Variants in MAP2K7 observed in about 807,000 individuals in gnomAD.
MAP2K7 encodes dual specificity mitogen-activated protein kinase kinase 7.
In MAP2K7, 12 loss-of-function variants were observed where a neutral mutation model predicts 47.7. The ratio of observed to expected loss-of-function variants is 0.25; its 90% CI spans 0.16 to 0.41. MAP2K7 has a LOEUF of 0.41. Among genes scored for constraint, MAP2K7 ranks in the 10% least tolerant of loss-of-function variants. The pLI is 1.00. For synonymous variants in MAP2K7, 299 were observed against 243.0 expected, an observed-to-expected ratio of 1.23 and a Z score of -2.14; for missense variants, 415 against 600.3, an observed-to-expected ratio of 0.69 and a Z score of 3.23.
At chr19:7,912,128 T>C in intron 9 of MAP2K7, 21 bp from the exon 10 acceptor site, 4 of 1,613,190 alleles carry the variant, frequency 2.5e-6, no homozygotes, top group Non-Finnish European at 3.4e-6. Context: ...CTCACATCTG[T>C]CTTCCCTTCT....
rs1361204034 is a variant in MAP2K7, at chr19:7,910,111, C to T, written c.315C>T (p.Tyr105=). Residue 105 remains tyrosine (Y), a synonymous_variant, in exon 3 of 11, where the codon TAC becomes TAT. Coordinates refer to ENST00000397979, the MANE Select transcript of MAP2K7 (RefSeq NM_145185.4). ...AGGAGATCATGAAGCAGACGGGCTA[C>T]CTGACCATCGGGGGCCAGGTACCAC... ...KLQEIMKQTG[Y]LTIGGQRYQA... 5 of 1,607,166 alleles carry T rather than the reference C, an allele frequency of 3.1e-6. No individual in the cohort carries two copies. Among genetic ancestry groups the T allele is most frequent in the Non-Finnish European group, 4.2e-6 (5 of 1,177,524 alleles).
intron 7 of MAP2K7, 23 bp downstream of exon 7, chr19:7,911,182 G>C: frequency 1.2e-6 from 2 of 1,608,164 alleles, no homozygotes; most frequent in South Asian, 2.2e-5. Flanking sequence ...CCCCCAGCGG[G>C]GGAGGGGGTG....
At position 7,908,269 on chromosome 19, in the gene MAP2K7, C is replaced by A. The variant is rs192576980; in HGVS notation, c.125-1486C>A. On this transcript the variant is annotated intron_variant, in intron 1 of 10. Coordinates refer to ENST00000397979, the MANE Select transcript of MAP2K7 (RefSeq NM_145185.4). The stretch of plus-strand genomic sequence containing the variant: ...GTGAGGCCTCTAGGCCAGTCATGAA[C>A]GCTGGGCCTGGCTGTGTCCCAAGGT... Among the ~76,000 whole-genome samples, 92 of 152,184 alleles carry A rather than the reference C, an allele frequency of 6.0e-4. 1 individual carries two copies. The East Asian group carries it at 0.014, about 23-fold the overall frequency.
intron 1 of MAP2K7, chr19:7,906,687 C>T (rs1982482066): frequency 6.6e-6 from 1 of 152,274 alleles, no homozygotes. Context: ...GAGTTCGAGA[C>T]CAGCCTGGCC....
intron 1 of MAP2K7, among the ~76,000 whole-genome samples, chr19:7,907,879 A>C (rs1247344049): frequency 6.6e-6 from 1 of 152,150 alleles, no homozygotes; most frequent in Non-Finnish European, 1.5e-5. Context: ...TGGGGGGAGC[A>C]CAGGCCCTCG....
Position 7,911,425 on chromosome 19 carries a change from C to T in MAP2K7, c.937-11C>T. ...CATAAACCTGTCCAGCCCTGCCCGT[C>T]TCCCTCCCAGGTGGAGCTGGCAACA... On this transcript the variant is annotated splice_polypyrimidine_tract_variant and intron_variant, in intron 8 of 10. Coordinates refer to ENST00000397979, the MANE Select transcript of MAP2K7 (RefSeq NM_145185.4). 1.2e-6 allele frequency: 2 copies of T among 1,613,292 alleles called. No individual in the cohort carries two copies. The highest frequency in any genetic ancestry group is 3.3e-5 in the Admixed American group (2 of 60,022).
chr19:7,912,620 C>T lies in MAP2K7; in HGVS notation c.*189C>T. ...GCCTACCAAGCCCCCGCCCTTCCCA[C>T]CCCGGGGTCAGCCGGCCGTGTGCGT... is the stretch of plus-strand genomic sequence containing the variant. On this transcript the variant is annotated 3_prime_UTR_variant, in exon 11 of 11. Transcript: ENST00000397979. 1.5e-6 allele frequency: 1 copy of T among 680,218 alleles called. No homozygotes were observed. Among genetic ancestry groups the T allele is most frequent in the Non-Finnish European group, 2.4e-6 (1 of 412,838 alleles). The allele number at this position is 680,218 out of a possible 1,614,324, so 42.1% of individuals were successfully genotyped here. A position where few individuals can be genotyped will look rare whatever the true frequency, so the allele number is the denominator to read the frequency against.
chr19:7,905,675 C>G, intron 1 of MAP2K7: 1 of 773,058 alleles, frequency 1.3e-6, no homozygotes. Flanking sequence ...TCTGTCGGTT[C>G]CTAGCCATCT....
rs1001392655 is a variant in MAP2K7 at position 7,910,684 on chromosome 19, C to G, written c.568-12C>G. 1 of 1,607,286 alleles carries G rather than the reference C, an allele frequency of 6.2e-7. No individual in the cohort carries two copies. The highest frequency in any genetic ancestry group is 1.7e-5 in the Admixed American group (1 of 59,686). On this transcript the variant is annotated splice_polypyrimidine_tract_variant and intron_variant, in intron 5 of 10. Transcript: ENST00000397979. ...GAAGACACAGCTCCCCCGGGTGCCC[C>G]TCTCCCTGCAGACGGACGTCTTCAT... is the stretch of plus-strand genomic sequence containing the variant.
chr19:7,910,622 C>A (rs749069860), intron 5 of MAP2K7, 50 bp downstream of exon 5: 1 of 1,612,002 alleles, frequency 6.2e-7, no homozygotes, highest in Non-Finnish European at 8.5e-7. Context: ...TCACCCCTGC[C>A]CCTTCCTAGG....
intron 1 of MAP2K7, chr19:7,905,775 G>A: frequency 6.4e-7 from 1 of 1,555,602 alleles, no homozygotes; most frequent in Non-Finnish European, 8.9e-7. Flanking sequence ...GATTTATCGT[G>A]GTGTTGTTTT....
chr19:7,904,155 C>T (rs1456009937), intron 1 of MAP2K7, 87 bp downstream of exon 1: 2 of 1,095,086 alleles, frequency 1.8e-6, no homozygotes, highest in Non-Finnish European at 2.3e-6. Context: ...AAGGCCCCGC[C>T]CCCGCTTCCG....
At position 7,910,407 on chromosome 19, in the gene MAP2K7, C is replaced by T. The variant is rs1156707489; in HGVS notation, c.447+34C>T. 1.9e-6 allele frequency: 3 copies of T among 1,603,802 alleles called. No homozygotes were observed. In the South Asian group the frequency reaches 3.3e-5, roughly 18 times the overall value. On this transcript the variant is annotated intron_variant, in intron 4 of 10. Transcript: ENST00000397979. ...TGGCGGCTACCCCGGCTGCGCCCCA[C>T]ACCCCAGGCCGGTGCTGAGGCTCCC...
At chr19:7,904,193 C>A (rs569935737) in intron 1 of MAP2K7, 125 bp downstream of exon 1, 1 of 798,390 alleles carries the variant, frequency 1.3e-6, no homozygotes, top group Non-Finnish European at 1.6e-6. Flanking sequence ...TCCGCCCCCC[C>A]CGCTGCGGGC....
At chr19:7,908,182 G>T (rs569664064) in intron 1 of MAP2K7, among the ~76,000 whole-genome samples, 36 of 150,048 alleles carry the variant, frequency 2.4e-4, no homozygotes, top group African/African-American at 8.5e-4. Context: ...AAAAAAAACA[G>T]TGGGAGGTGA....
Position 7,912,788 on chromosome 19 carries a change from T to A in MAP2K7, c.*357T>A. The stretch of plus-strand genomic sequence containing the variant: ...GCAGCCACCATGCACGCTCCCAGCG[T>A]GCTGTGTCCTTCGCCACTCCCACGC... On this transcript the variant is annotated 3_prime_UTR_variant, in exon 11 of 11. Transcript: ENST00000397979. 1.0e-5 allele frequency: 3 copies of A among 300,286 alleles called. No individual in the cohort carries two copies. Among genetic ancestry groups the A allele is most frequent in the Non-Finnish European group, 1.9e-5 (3 of 157,938 alleles). The allele number at this position is 300,286 out of a possible 1,614,324, so 18.6% of individuals were successfully genotyped here.
At chr19:7,912,274 GC>G in intron 10 of MAP2K7, 22 bp from the exon 11 acceptor site, 1 of 1,613,646 alleles carries the variant, frequency 6.2e-7, no homozygotes, top group African/African-American at 1.3e-5. Context: ...CTCCTCCTAA[GC>G]CCCACCCCCT....
At chr19:7,908,585 AAG>A (rs1982611073) in intron 1 of MAP2K7, among the ~76,000 whole-genome samples, 1 of 152,006 alleles carries the variant, frequency 6.6e-6, no homozygotes, top group African/African-American at 2.4e-5. Context: ...GCAGGAGGAA[AAG>A]AGGGGAGAGG....
chr19:7,905,536 C>T (rs944906349), intron 1 of MAP2K7, among the ~76,000 whole-genome samples: 1 of 152,160 alleles, frequency 6.6e-6, no homozygotes, highest in Non-Finnish European at 1.5e-5. Context: ...GTCCAGGATC[C>T]CGGGTGCCTT....
Sources: allele counts gnomAD v4.1 joint callset (sites outside exome capture counted in the v4.1 genomes callset), GRCh38; gene constraint gnomAD v4.1.1; transcripts MANE v1.5; gene names NCBI Gene and HGNC (gene_info 2026-07-23, HGNC 2026-07-21).